MICU1: variants seen among roughly 807,000 people sequenced by gnomAD.
MICU1 encodes calcium uptake protein 1, mitochondrial.
Under a neutral mutation model 56.8 loss-of-function variants are expected in MICU1, and 45 were observed. The observed-to-expected ratio is 0.79, with a 90% CI of 0.62 to 1.02. The LOEUF (loss-of-function observed/expected upper bound fraction) is 1.02, where lower values mean the gene tolerates loss of function less well. Ranked by LOEUF, MICU1 falls within the 50% of genes least tolerant of loss-of-function variation. The pLI is 0.00. For missense variants in MICU1, 504 were observed against 587.1 expected (o/e 0.86, Z 1.46); for synonymous variants, 186 against 195.1 (o/e 0.95, Z 0.39).
At chr10:72,474,569 C>A (rs2132267150) in intron 8 of MICU1, among the ~76,000 whole-genome samples, 1 of 152,314 alleles carries the variant, frequency 6.6e-6, no homozygotes, top group African/African-American at 2.4e-5. Context: ...GTTGCCCAGG[C>A]TGCTCTCAAA....
At chr10:72,510,190 A>G (rs1314551205) in intron 5 of MICU1, among the ~76,000 whole-genome samples, 1 of 152,306 alleles carries the variant, frequency 6.6e-6, no homozygotes, top group African/African-American at 2.4e-5. Flanking sequence ...TTTTTCTAAC[A>G]ATCATCCGGG....
intron 10 of MICU1, among the ~76,000 whole-genome samples, chr10:72,380,462 A>G (rs776699835): frequency 6.6e-6 from 1 of 152,134 alleles, no homozygotes; most frequent in Non-Finnish European, 1.5e-5. Flanking sequence ...CAGGTCCCCA[A>G]TTTACTCTCC....
At chr10:72,445,949 CT>C (rs527760489) in intron 8 of MICU1, among the ~76,000 whole-genome samples, 103 of 147,926 alleles carry the variant, frequency 7.0e-4, no homozygotes, top group Admixed American at 1.8e-3. Flanking sequence ...GATGCATTTA[CT>C]TTTTTTTTTT....
At chr10:72,559,906 G>A (rs1203215343) in intron 3 of MICU1, among the ~76,000 whole-genome samples, 1 of 152,124 alleles carries the variant, frequency 6.6e-6, no homozygotes, top group Non-Finnish European at 1.5e-5. Flanking sequence ...GCATGAACCC[G>A]ATTGTGAACT....
At chr10:72,500,247 T>C (rs1866978314) in intron 6 of MICU1, among the ~76,000 whole-genome samples, 1 of 56,188 alleles carries the variant, frequency 1.8e-5, no homozygotes, top group African/African-American at 9.2e-5. Flanking sequence ...AACTATTATA[T>C]ACATACATAC....
intron 8 of MICU1, among the ~76,000 whole-genome samples, chr10:72,430,183 C>A (rs2132154657): frequency 6.6e-6 from 1 of 152,234 alleles, no homozygotes; most frequent in South Asian, 2.1e-4. Flanking sequence ...CAAGTTTTTA[C>A]TTTTATCTCA....
At chr10:72,496,842 G>C (rs918015656) in intron 6 of MICU1, among the ~76,000 whole-genome samples, 2 of 152,176 alleles carry the variant, frequency 1.3e-5, no homozygotes, top group African/African-American at 4.8e-5. Flanking sequence ...AAAGTGCTGG[G>C]ATTACAGGAG....
intron 4 of MICU1, among the ~76,000 whole-genome samples, chr10:72,549,444 G>A (rs1001243877): frequency 6.6e-6 from 1 of 152,024 alleles, no homozygotes; most frequent in African/African-American, 2.4e-5. Context: ...GTCTGCATCA[G>A]CTTCCCAAAG....
intron 4 of MICU1, among the ~76,000 whole-genome samples, chr10:72,536,373 G>C (rs997431608): frequency 5.3e-5 from 8 of 151,944 alleles, no homozygotes; most frequent in Admixed American, 4.6e-4. Context: ...TTGAGATGGA[G>C]TCTCGCTTTG....
chr10:72,532,860 G>C, intron 5 of MICU1: 1 of 1,124,274 alleles, frequency 8.9e-7, no homozygotes. Flanking sequence ...TTGTATAAAA[G>C]AGCTCAACAC....
chr10:72,513,643 C>T (rs1270370902), intron 5 of MICU1, among the ~76,000 whole-genome samples: 1 of 152,088 alleles, frequency 6.6e-6, no homozygotes, highest in Non-Finnish European at 1.5e-5. Context: ...TGAAGATTTA[C>T]CCCTACTTTT....
intron 3 of MICU1, among the ~76,000 whole-genome samples, chr10:72,551,711 G>A (rs1463644755): frequency 6.6e-6 from 1 of 152,032 alleles, no homozygotes; most frequent in Non-Finnish European, 1.5e-5. Flanking sequence ...CCATATATAT[G>A]CCAACCTATA....
chr10:72,455,825 A>AT (rs1554874228), intron 8 of MICU1, among the ~76,000 whole-genome samples: 2 of 152,066 alleles, frequency 1.3e-5, no homozygotes, highest in South Asian at 4.1e-4. Flanking sequence ...AAAAAAAAAA[A>AT]GCAATCCTAG....
intron 1 of MICU1, among the ~76,000 whole-genome samples, chr10:72,590,479 G>A (rs1300445663): frequency 2.6e-5 from 4 of 152,136 alleles, no homozygotes; most frequent in Admixed American, 6.5e-5. Flanking sequence ...CCTTGCTCTC[G>A]ATAATGGATA....
At chr10:72,609,051 T>C (rs1442616897) in intron 1 of MICU1, among the ~76,000 whole-genome samples, 1 of 152,190 alleles carries the variant, frequency 6.6e-6, no homozygotes, top group East Asian at 1.9e-4. Flanking sequence ...ATATACACAA[T>C]GGAATATTAT....
At chr10:72,389,661 C>T (rs938799908) in intron 10 of MICU1, among the ~76,000 whole-genome samples, 2 of 152,078 alleles carry the variant, frequency 1.3e-5, no homozygotes, top group Admixed American at 6.6e-5. Context: ...CAAAGTACAC[C>T]GAGGACGTAA....
intron 8 of MICU1, among the ~76,000 whole-genome samples, chr10:72,436,050 G>A (rs527674967): frequency 5.3e-5 from 8 of 152,320 alleles, no homozygotes; most frequent in Admixed American, 2.6e-4. Flanking sequence ...CTCCCAGCAC[G>A]GCGTTTGAGC....
At position 72,415,590 on chromosome 10, in the gene MICU1, T is replaced by C. The variant is rs1202212485; in HGVS notation, c.1072-7553A>G. On this transcript the variant is annotated intron_variant, in intron 9 of 11. Transcript: ENST00000361114. Reference sequence around the variant, plus strand: ...TCTTTCTGAAACATCACTTTCTTCATATCTTTATCCCTTCCGCTCACAACA... The same window carrying C: ...TCTTTCTGAAACATCACTTTCTTCACATCTTTATCCCTTCCGCTCACAACA... Among the ~76,000 whole-genome samples the C allele has an allele frequency of 3.3e-5, 5 of 152,216 alleles. No individual in the cohort carries two copies. In the East Asian group the frequency reaches 9.6e-4, roughly 29 times the overall value.
chr10:72,563,552 G>A (rs529141138), intron 2 of MICU1, among the ~76,000 whole-genome samples: 3 of 152,314 alleles, frequency 2.0e-5, no homozygotes, highest in East Asian at 3.9e-4. Flanking sequence ...AAAGTAGAAT[G>A]GGGGTTACCA....
Sources: allele counts gnomAD v4.1 joint callset (sites outside exome capture counted in the v4.1 genomes callset), GRCh38; gene constraint gnomAD v4.1.1; transcripts MANE v1.5; gene names NCBI Gene and HGNC (gene_info 2026-07-23, HGNC 2026-07-21).